The following TTC29 variants were observed in gnomAD, a reference collection of about 807,000 sequenced individuals.
The protein encoded by TTC29 is tetratricopeptide repeat domain 29.
A neutral mutation model predicts 58.1 loss-of-function variants in TTC29; 49 were observed. That is an observed-to-expected ratio of 0.84 (90% CI 0.67 to 1.07). TTC29 has a LOEUF of 1.07. Ranked by LOEUF, TTC29 falls within the 50% of genes least tolerant of loss-of-function variation. The pLI is 0.00. For synonymous variants in TTC29, 209 were observed against 196.8 expected (o/e 1.06, Z -0.52); for missense variants, 582 against 555.6 (o/e 1.05, Z -0.48).
At chr4:146,928,932 T>G (rs1008616746) in intron 4 of TTC29, among the ~76,000 whole-genome samples, 2 of 152,180 alleles carry the variant, frequency 1.3e-5, no homozygotes, top group Non-Finnish European at 2.9e-5. Flanking sequence ...TTTTTGGAAA[T>G]TATTCTGACC....
At chr4:146,735,428 C>T (rs1472456615) in intron 11 of TTC29, among the ~76,000 whole-genome samples, 1 of 152,090 alleles carries the variant, frequency 6.6e-6, no homozygotes, top group Admixed American at 6.6e-5. Flanking sequence ...GCAGAGTGGA[C>T]GAACACATTG....
intron 2 of TTC29, among the ~76,000 whole-genome samples, chr4:146,942,224 A>G (rs1214246290): frequency 3.3e-5 from 5 of 152,202 alleles, no homozygotes; most frequent in Non-Finnish European, 7.3e-5. Context: ...CACTTATTTT[A>G]TGCAGTTAAG....
At chr4:146,787,832 T>C (rs1182384530) in intron 11 of TTC29, among the ~76,000 whole-genome samples, 1 of 152,118 alleles carries the variant, frequency 6.6e-6, no homozygotes, top group African/African-American at 2.4e-5. Flanking sequence ...TAGCCAACAA[T>C]TGCTGTGTTT....
chr4:146,818,586 A>C (rs1751590298), intron 10 of TTC29, among the ~76,000 whole-genome samples: 1 of 152,238 alleles, frequency 6.6e-6, no homozygotes, highest in African/African-American at 2.4e-5. Flanking sequence ...ATTACTGGGT[A>C]TATACCCAAA....
intron 11 of TTC29, among the ~76,000 whole-genome samples, chr4:146,748,575 C>A (rs1427186949): frequency 6.6e-6 from 1 of 152,186 alleles, no homozygotes; most frequent in Non-Finnish European, 1.5e-5. Context: ...ATGCAGCCAC[C>A]ACCACTGCCA....
At chr4:146,723,245 C>CAA (rs111385837) in intron 11 of TTC29, among the ~76,000 whole-genome samples, 1 of 135,332 alleles carries the variant, frequency 7.4e-6, no homozygotes, top group South Asian at 2.3e-4. Context: ...AAAACTCCGT[C>CAA]AAAAAAAAAA....
chr4:146,713,191 A>G (rs549640333), intron 11 of TTC29, among the ~76,000 whole-genome samples: 6 of 151,596 alleles, frequency 4.0e-5, no homozygotes, highest in Non-Finnish European at 7.4e-5. Flanking sequence ...ATAAAATGCA[A>G]ATGTTTTCCT....
intron 7 of TTC29, among the ~76,000 whole-genome samples, chr4:146,870,632 A>T (rs1269435559): frequency 6.6e-6 from 1 of 152,050 alleles, no homozygotes; most frequent in African/African-American, 2.4e-5. Flanking sequence ...CCCTTAAATT[A>T]TTAAAATCAA....
chr4:146,832,933 G>T (rs1022762877), intron 9 of TTC29, among the ~76,000 whole-genome samples: 3 of 152,068 alleles, frequency 2.0e-5, no homozygotes, highest in South Asian at 4.1e-4. Context: ...CTTATATAAT[G>T]ATTCCAATTT....
intron 4 of TTC29, among the ~76,000 whole-genome samples, chr4:146,919,936 T>C (rs974653666): frequency 1.3e-5 from 2 of 151,202 alleles, no homozygotes; most frequent in East Asian, 3.9e-4. Flanking sequence ...ATGTCATACA[T>C]TTTATCTTTG....
At chr4:146,922,426 C>T (rs1373980695) in intron 4 of TTC29, among the ~76,000 whole-genome samples, 1 of 151,304 alleles carries the variant, frequency 6.6e-6, no homozygotes, top group Non-Finnish European at 1.5e-5. Context: ...GCAAATATAA[C>T]CAAGAAAAAC....
intron 6 of TTC29, among the ~76,000 whole-genome samples, chr4:146,897,934 C>A (rs1042916143): frequency 1.3e-5 from 2 of 152,092 alleles, no homozygotes; most frequent in Non-Finnish European, 2.9e-5. Flanking sequence ...GCAGGAATGA[C>A]CCCTGGAAAA....
At chr4:146,892,022 G>C (rs1056914947) in intron 6 of TTC29, among the ~76,000 whole-genome samples, 1 of 152,056 alleles carries the variant, frequency 6.6e-6, no homozygotes, top group Non-Finnish European at 1.5e-5. Context: ...TCTGTGATAC[G>C]GTTTAGATCT....
intron 11 of TTC29, among the ~76,000 whole-genome samples, chr4:146,780,302 G>GTGTGT (rs1748487159): frequency 2.2e-5 from 3 of 138,456 alleles, no homozygotes; most frequent in Admixed American, 7.2e-5. Flanking sequence ...CCTAACTTGG[G>GTGTGT]GTGTGTGTGT....
chr4:146,854,618 A>G (rs1038951686), intron 8 of TTC29, among the ~76,000 whole-genome samples: 2 of 151,958 alleles, frequency 1.3e-5, no homozygotes, highest in Non-Finnish European at 2.9e-5. Context: ...ATCCCTAAAG[A>G]GTTTTTCTGG....
At chr4:146,779,645 G>A (rs1748433474) in intron 11 of TTC29, among the ~76,000 whole-genome samples, 1 of 152,112 alleles carries the variant, frequency 6.6e-6, no homozygotes, top group Non-Finnish European at 1.5e-5. Context: ...AGGTTTTAGA[G>A]CAGGTTAGAA....
At chr4:146,782,454 C>A (rs1341710513) in intron 11 of TTC29, among the ~76,000 whole-genome samples, 1 of 151,782 alleles carries the variant, frequency 6.6e-6, no homozygotes, top group Admixed American at 6.6e-5. Context: ...TAATTACATT[C>A]CTGTAAAGTT....
At chr4:146,824,744 G>A (rs190742529) in intron 9 of TTC29, among the ~76,000 whole-genome samples, 3 of 152,160 alleles carry the variant, frequency 2.0e-5, no homozygotes, top group Non-Finnish European at 4.4e-5. Flanking sequence ...GGCTTTTTTG[G>A]TTGTTAGGCT....
chr4:146,911,957 A>G (rs1000077728), intron 4 of TTC29, among the ~76,000 whole-genome samples: 1 of 152,200 alleles, frequency 6.6e-6, no homozygotes, highest in African/African-American at 2.4e-5. Flanking sequence ...GGAGGAAGGA[A>G]TGGATACTGG....
Sources: allele counts gnomAD v4.1 joint callset (sites outside exome capture counted in the v4.1 genomes callset), GRCh38; gene constraint gnomAD v4.1.1; transcripts MANE v1.5; gene names NCBI Gene and HGNC (gene_info 2026-07-23, HGNC 2026-07-21).